The following CREB5 variants were observed in gnomAD, a reference collection of about 807,000 sequenced individuals.
CREB5 encodes cyclic AMP-responsive element-binding protein 5.
CREB5 carries 19 observed loss-of-function variants against 57.1 expected under a neutral mutation model. That is an observed-to-expected ratio of 0.33 (90% CI 0.23 to 0.49). The LOEUF (loss-of-function observed/expected upper bound fraction) is 0.49. Among genes scored for constraint, CREB5 ranks in the 20% least tolerant of loss-of-function variants. The probability of loss-of-function intolerance (pLI) is 0.99; values close to 1 mark genes in which losing one functional copy is unlikely to be tolerated. For missense variants in CREB5, 579 were observed against 671.6 expected (o/e 0.86, Z 1.52); for synonymous variants, 238 against 238.3 (o/e 1.00, Z 0.01).
intron 7 of CREB5, among the ~76,000 whole-genome samples, chr7:28,737,837 G>A (rs1232767214): frequency 6.6e-6 from 1 of 151,672 alleles, no homozygotes; most frequent in African/African-American, 2.4e-5. Flanking sequence ...AAACTCATGG[G>A]AGTTATACAG....
At chr7:28,482,076 C>G (rs1020062414) in intron 1 of CREB5, among the ~76,000 whole-genome samples, 5 of 152,196 alleles carry the variant, frequency 3.3e-5, no homozygotes, top group African/African-American at 9.6e-5. Flanking sequence ...TATGTTTTCA[C>G]ATAATACCTC....
intron 5 of CREB5, among the ~76,000 whole-genome samples, chr7:28,625,812 T>C (rs1230669841): frequency 1.3e-5 from 2 of 152,354 alleles, no homozygotes; most frequent in East Asian, 1.9e-4. Flanking sequence ...GTCTTCCTTA[T>C]TGGCCACTCA....
intron 5 of CREB5, among the ~76,000 whole-genome samples, chr7:28,644,220 T>C (rs1482334056): frequency 6.6e-6 from 1 of 151,998 alleles, no homozygotes; most frequent in Non-Finnish European, 1.5e-5. Flanking sequence ...GGAGTTCCTG[T>C]AATGTAGCTG....
At chr7:28,737,485 T>TTC (rs142651748) in intron 7 of CREB5, among the ~76,000 whole-genome samples, 16,718 of 135,138 alleles carry the variant, frequency 0.12, 1,788 homozygotes, top group African/African-American at 0.27. Flanking sequence ...ACATAGTAAT[T>TTC]TCTCTCTCTC....
chr7:28,802,453 A>G (rs1808429591), intron 7 of CREB5, among the ~76,000 whole-genome samples: 1 of 152,202 alleles, frequency 6.6e-6, no homozygotes. Flanking sequence ...AGAGCATAGT[A>G]GCTTTGATCG....
At chr7:28,737,584 T>TATATAA (rs1562606948) in intron 7 of CREB5, among the ~76,000 whole-genome samples, 10 of 27,556 alleles carry the variant, frequency 3.6e-4, no homozygotes, top group South Asian at 9.0e-4. Context: ...TATATATATA[T>TATATAA]ATATTTTTAA....
intron 7 of CREB5, among the ~76,000 whole-genome samples, chr7:28,736,702 G>C (rs1803997729): frequency 6.6e-6 from 1 of 152,012 alleles, no homozygotes; most frequent in African/African-American, 2.4e-5. Context: ...TCTTTGCTTT[G>C]GTTACCTTAA....
chr7:28,728,727 G>GA (rs936671462), intron 7 of CREB5, among the ~76,000 whole-genome samples: 2 of 152,200 alleles, frequency 1.3e-5, no homozygotes. Context: ...CCATGAATGA[G>GA]AAATGAATTT....
chr7:28,344,046 ATT>A (rs375288903), intron 1 of CREB5, among the ~76,000 whole-genome samples: 10 of 136,502 alleles, frequency 7.3e-5, no homozygotes, highest in Admixed American at 7.3e-5. Context: ...GTTTTAATTG[ATT>A]TTTTTTTTTT....
chr7:28,443,746 C>A (rs773927402), intron 1 of CREB5, among the ~76,000 whole-genome samples: 14 of 152,218 alleles, frequency 9.2e-5, no homozygotes, highest in Non-Finnish European at 1.9e-4. Flanking sequence ...ACTGTCTCAT[C>A]TTGCCTCCCC....
intron 5 of CREB5, among the ~76,000 whole-genome samples, chr7:28,596,073 G>A (rs1160100389): frequency 6.6e-6 from 1 of 152,154 alleles, no homozygotes; most frequent in East Asian, 1.9e-4. Context: ...GGATTTCATT[G>A]TCTTCTCCCC....
rs146118650 is a variant in CREB5, at chr7:28,344,298, T to G, written c.-25+44857T>G. Among the ~76,000 whole-genome samples, 5 of 152,326 alleles carry G rather than the reference T, an allele frequency of 3.3e-5. No individual in the cohort carries two copies. The East Asian group carries it at 5.8e-4, about 18-fold the overall frequency. On this transcript the variant is annotated intron_variant, in intron 1 of 9. Transcript: ENST00000396299. Reference sequence around the variant, plus strand: ...TAGTTTTGAGTCTTACATTTAACACTTTAATCCATTTTGAGTTGATTTTTA... The same window carrying G: ...TAGTTTTGAGTCTTACATTTAACACGTTAATCCATTTTGAGTTGATTTTTA...
At chr7:28,554,685 C>A (rs1158804242) in intron 4 of CREB5, among the ~76,000 whole-genome samples, 1 of 152,240 alleles carries the variant, frequency 6.6e-6, no homozygotes, top group Non-Finnish European at 1.5e-5. Flanking sequence ...AGGACAGGGT[C>A]CCTTTCCATT....
chr7:28,741,583 T>A (rs1462115806), intron 7 of CREB5, among the ~76,000 whole-genome samples: 2 of 152,202 alleles, frequency 1.3e-5, no homozygotes, highest in African/African-American at 4.8e-5. Context: ...AACAATTAAG[T>A]ACGTTTTGAA....
At chr7:28,460,513 G>C (rs1790307127) in intron 1 of CREB5, among the ~76,000 whole-genome samples, 1 of 152,172 alleles carries the variant, frequency 6.6e-6, no homozygotes, top group Non-Finnish European at 1.5e-5. Context: ...AGAGCCTGAA[G>C]TTTTAACTCC....
chr7:28,782,916 A>G (rs1327777593), intron 7 of CREB5, among the ~76,000 whole-genome samples: 1 of 152,194 alleles, frequency 6.6e-6, no homozygotes, highest in Non-Finnish European at 1.5e-5. Flanking sequence ...TTATCTGTGC[A>G]TCTGACATTG....
At chr7:28,758,386 T>C (rs976467395) in intron 7 of CREB5, among the ~76,000 whole-genome samples, 4 of 152,208 alleles carry the variant, frequency 2.6e-5, no homozygotes, top group Non-Finnish European at 5.9e-5. Flanking sequence ...ACTGTTGTTG[T>C]TGTTATCCTT....
In CREB5 at chr7:28,485,072, A is replaced by C. The variant is rs567303492; in HGVS notation, c.4-3103A>C. Among the ~76,000 whole-genome samples the C allele has an allele frequency of 2.0e-3, 298 of 152,314 alleles. 4 individuals carry two copies. Among genetic ancestry groups the C allele is most frequent in the Non-Finnish European group, 3.5e-3 (235 of 68,010 alleles). ...CATTATGGGCCTGAATTTCTGGGGA[A>C]TGTCAGTACTTTGGTAGGCCAGGGC... On this transcript the variant is annotated intron_variant, in intron 1 of 10. Transcript: ENST00000357727.
At chr7:28,784,338 ACT>A (rs71719379) in intron 7 of CREB5, among the ~76,000 whole-genome samples, 17,239 of 120,202 alleles carry the variant, frequency 0.14, 1,132 homozygotes, top group African/African-American at 0.27. Flanking sequence ...TTAATAAACA[ACT>A]CTTTTTTTTT....
Sources: allele counts gnomAD v4.1 joint callset (sites outside exome capture counted in the v4.1 genomes callset), GRCh38; gene constraint gnomAD v4.1.1; transcripts MANE v1.5; gene names NCBI Gene and HGNC (gene_info 2026-07-23, HGNC 2026-07-21).